The following SORBS2 variants were observed in gnomAD, a reference collection of about 807,000 sequenced individuals.
SORBS2 encodes sorbin and SH3 domain containing 2, also known as sorbin and SH3 domain-containing protein 2.
In SORBS2, 46 loss-of-function variants were observed where a neutral mutation model predicts 97.7. The observed-to-expected ratio is 0.47, with a 90% CI of 0.37 to 0.60. The LOEUF (loss-of-function observed/expected upper bound fraction) is 0.60. Among genes scored for constraint, SORBS2 ranks in the 20% least tolerant of loss-of-function variants. The probability of loss-of-function intolerance (pLI) is 0.00; values close to 1 mark genes in which losing one functional copy is unlikely to be tolerated. For missense variants in SORBS2, 1,316 were observed against 1,282.3 expected (o/e 1.03, Z -0.40); for synonymous variants, 476 against 473.4 (o/e 1.01, Z -0.07).
At chr4:185,629,823 C>T (rs2096878045) in intron 5 of SORBS2, among the ~76,000 whole-genome samples, 1 of 152,010 alleles carries the variant, frequency 6.6e-6, no homozygotes, top group African/African-American at 2.4e-5. Flanking sequence ...AGCCTCCCAA[C>T]TGCTGGGATT....
At chr4:185,666,231 G>C in intron 4 of SORBS2, 1 of 1,168,768 alleles carries the variant, frequency 8.6e-7, no homozygotes. Flanking sequence ...AAAATAATAA[G>C]AGATAAATTA....
At chr4:185,918,503 C>T (rs2099259399) in intron 1 of SORBS2, 1 of 152,154 alleles carries the variant, frequency 6.6e-6, no homozygotes, top group Admixed American at 6.6e-5. Context: ...GATGCATCTA[C>T]CCTCTGGCTT....
chr4:185,778,130 T>A (rs1364480542), intron 1 of SORBS2, among the ~76,000 whole-genome samples: 3 of 152,260 alleles, frequency 2.0e-5, no homozygotes, highest in African/African-American at 7.2e-5. Flanking sequence ...CTTTTTTACT[T>A]TTTCAAATCT....
chr4:185,758,794 A>T (rs902880011), intron 2 of SORBS2, among the ~76,000 whole-genome samples: 31 of 152,176 alleles, frequency 2.0e-4, no homozygotes, highest in Admixed American at 1.8e-3. Flanking sequence ...ACTTTAGGGC[A>T]TTTGCAGAGG....
At chr4:185,932,744 G>A (rs1305037266) in intron 1 of SORBS2, among the ~76,000 whole-genome samples, 4 of 152,184 alleles carry the variant, frequency 2.6e-5, no homozygotes, top group South Asian at 2.1e-4. Context: ...CCTGGGGCTC[G>A]GTTGCCCTGG....
At chr4:185,594,429 T>C (rs1459509894) in intron 12 of SORBS2, among the ~76,000 whole-genome samples, 8 of 152,210 alleles carry the variant, frequency 5.3e-5, no homozygotes, top group Non-Finnish European at 8.8e-5. Context: ...AAAATATCAA[T>C]AGGCAGACAT....
chr4:185,726,987 C>T (rs1432163404), intron 2 of SORBS2, among the ~76,000 whole-genome samples: 2 of 152,096 alleles, frequency 1.3e-5, no homozygotes, highest in African/African-American at 4.8e-5. Context: ...GAGGCTATTA[C>T]AGAGAATCAA....
intron 1 of SORBS2, among the ~76,000 whole-genome samples, chr4:185,827,994 TCAC>T (rs1220508704): frequency 5.6e-4 from 15 of 27,002 alleles, no homozygotes; most frequent in Non-Finnish European, 1.6e-3. Flanking sequence ...ATCATCATCA[TCAC>T]CATCATCATC....
chr4:185,649,190 A>G (rs774358778), intron 3 of SORBS2, among the ~76,000 whole-genome samples: 1 of 152,174 alleles, frequency 6.6e-6, no homozygotes, highest in Non-Finnish European at 1.5e-5. Flanking sequence ...CATTATTTCT[A>G]TTTACTTGTC....
At chr4:185,869,521 C>T (rs983353826) in intron 1 of SORBS2, among the ~76,000 whole-genome samples, 1 of 152,224 alleles carries the variant, frequency 6.6e-6, no homozygotes, top group Admixed American at 6.5e-5. Context: ...AGCTCCCACA[C>T]GCACATTCTA....
intron 2 of SORBS2, among the ~76,000 whole-genome samples, chr4:185,698,608 G>A (rs1221286006): frequency 6.6e-6 from 1 of 152,204 alleles, no homozygotes; most frequent in African/African-American, 2.4e-5. Flanking sequence ...AATCATATGA[G>A]GCAGGGGTTA....
intron 1 of SORBS2, among the ~76,000 whole-genome samples, chr4:185,924,605 A>C (rs2099262611): frequency 6.6e-6 from 1 of 151,794 alleles, no homozygotes; most frequent in Non-Finnish European, 1.5e-5. Context: ...GTAGAACATC[A>C]TGGCGCCCTG....
Position 185,941,335 on chromosome 4 carries a change from C to T in SORBS2, c.-338+14861G>A, listed in dbSNP as rs547623735. Among the ~76,000 whole-genome samples the T allele has an allele frequency of 2.0e-5, 3 of 152,086 alleles. No individual in the cohort carries two copies. The East Asian group carries it at 5.9e-4, about 30-fold the overall frequency. ...AATGTAGATGGTCTGGCTCTAAAGC[C>T]TTTACCTTTAACCATTGCATTAGAG... On this transcript the variant is annotated intron_variant, in intron 1 of 20. Coordinates refer to the SORBS2 transcript ENST00000284776.
At chr4:185,898,449 A>C (rs145336938) in intron 1 of SORBS2, among the ~76,000 whole-genome samples, 34 of 152,378 alleles carry the variant, frequency 2.2e-4, no homozygotes, top group Middle Eastern at 3.4e-3. Flanking sequence ...TATATTTAGA[A>C]GTTAAATCAA....
intron 1 of SORBS2, among the ~76,000 whole-genome samples, chr4:185,837,286 A>G (rs1247777062): frequency 6.6e-6 from 1 of 152,154 alleles, no homozygotes. Context: ...AACTGCCTAC[A>G]AGTTGCAATG....
chr4:185,935,384 A>C (rs1281174758), intron 1 of SORBS2, among the ~76,000 whole-genome samples: 1 of 152,238 alleles, frequency 6.6e-6, no homozygotes, highest in Non-Finnish European at 1.5e-5. Context: ...GGGAGATAAC[A>C]CGTTTAAGAG....
chr4:185,918,723 G>A (rs535824084), intron 1 of SORBS2, among the ~76,000 whole-genome samples: 2 of 152,132 alleles, frequency 1.3e-5, no homozygotes, highest in South Asian at 2.1e-4. Context: ...CTTATATCAC[G>A]GTCACAGCAC....
chr4:185,845,699 C>T (rs920364821), intron 1 of SORBS2, among the ~76,000 whole-genome samples: 3 of 151,868 alleles, frequency 2.0e-5, no homozygotes, highest in Admixed American at 1.3e-4. Flanking sequence ...CACAACTCAA[C>T]AATAATAAAA....
chr4:185,606,525 C>T lies in SORBS2; in HGVS notation c.2796+5255G>A. 3 of 981,228 alleles carry T rather than the reference C, an allele frequency of 3.1e-6. No individual in the cohort carries two copies. The highest frequency in any genetic ancestry group is 3.6e-6 in the Non-Finnish European group (3 of 826,160). The allele number at this position is 981,228 out of a possible 1,614,324, so 60.8% of individuals were successfully genotyped here. ...TAGGTATTTATTAATATGATTAACT[C>T]TAATAGCTAATCATGGTAAGGCCGG... On this transcript the variant is annotated intron_variant, in intron 12 of 14. Coordinates refer to ENST00000418609, the Ensembl canonical transcript of SORBS2. The surrounding 1 kb of genome is among the most constrained non-coding windows in gnomAD (Gnocchi z 4.3).
Sources: gnomAD v4.1 joint callset for allele counts (sites outside exome capture counted in the v4.1 genomes callset) on GRCh38, gnomAD v4.1.1 for gene constraint, Gnocchi (gnomAD v3.1) non-coding constraint, MANE v1.5 for transcripts, NCBI Gene and HGNC (gene_info 2026-07-23, HGNC 2026-07-21) for gene names.